Variants in GABRB1 observed in about 807,000 individuals in gnomAD.
GABRB1 encodes the protein gamma-aminobutyric acid type A receptor subunit beta1, also known as gamma-aminobutyric acid receptor subunit beta-1.
Under a neutral mutation model 51.6 loss-of-function variants are expected in GABRB1, and 17 were observed. The ratio of observed to expected loss-of-function variants is 0.33; its 90% CI spans 0.23 to 0.49. The LOEUF (loss-of-function observed/expected upper bound fraction) is 0.49, where lower values mean the gene tolerates loss of function less well. GABRB1 is among the 20% of genes least tolerant of loss of function. GABRB1 has a pLI of 0.99. For synonymous variants in GABRB1, 247 were observed against 218.9 expected (o/e 1.13, Z -1.14); for missense variants, 410 against 600.6 (o/e 0.68, Z 3.32).
intron 4 of GABRB1, among the ~76,000 whole-genome samples, chr4:47,293,865 T>C (rs553331702): frequency 1.3e-5 from 2 of 152,320 alleles, no homozygotes; most frequent in African/African-American, 4.8e-5. Context: ...GAGTGTAATA[T>C]TGAAAATTGT....
chr4:47,328,749 A>G (rs1307280935), intron 5 of GABRB1, among the ~76,000 whole-genome samples: 1 of 151,870 alleles, frequency 6.6e-6, no homozygotes, highest in East Asian at 1.9e-4. Flanking sequence ...GGGGAACATC[A>G]TACACTGGGG....
chr4:47,415,835 A>G (rs780271211), intron 8 of GABRB1, among the ~76,000 whole-genome samples: 14 of 152,204 alleles, frequency 9.2e-5, no homozygotes, highest in Admixed American at 4.6e-4. Context: ...ATACACCTCA[A>G]TGTCTGAGAA....
intron 4 of GABRB1, among the ~76,000 whole-genome samples, chr4:47,215,564 T>TA (rs576183902): frequency 3.0e-4 from 45 of 150,680 alleles, no homozygotes; most frequent in Non-Finnish European, 5.8e-4. Context: ...CCTCAGTCAG[T>TA]AAAAAAAAAT....
rs1718047612 is a variant in GABRB1, at chr4:47,163,446, C to T, written c.461+1977C>T. On this transcript the variant is annotated intron_variant, in intron 4 of 8. Transcript: ENST00000295454. Reference sequence around the variant, plus strand: ...GTGCCTATTATCTGCCACACACTCACTATTTTGGCCCTGAGAATAATATTC... The same window carrying T: ...GTGCCTATTATCTGCCACACACTCATTATTTTGGCCCTGAGAATAATATTC... Among the ~76,000 whole-genome samples the T allele has an allele frequency of 1.3e-5, 2 of 151,968 alleles. 1 individual carries two copies. The highest frequency in any genetic ancestry group is 4.1e-4 in the South Asian group (2 of 4,826).
intron 4 of GABRB1, among the ~76,000 whole-genome samples, chr4:47,300,933 A>G (rs183057184): frequency 6.6e-6 from 1 of 152,308 alleles, no homozygotes; most frequent in Admixed American, 6.5e-5. Flanking sequence ...CTGTCACCCA[A>G]AGAGTATGGA....
At chr4:47,013,115 T>C (rs1724627952) in intron 1 of GABRB1, among the ~76,000 whole-genome samples, 1 of 148,242 alleles carries the variant, frequency 6.7e-6, no homozygotes, top group Non-Finnish European at 1.5e-5. Flanking sequence ...TGTCACTTTG[T>C]GCATTAGACC....
At chr4:47,420,745 G>T (rs1024572166) in intron 8 of GABRB1, among the ~76,000 whole-genome samples, 1 of 152,130 alleles carries the variant, frequency 6.6e-6, no homozygotes, top group African/African-American at 2.4e-5. Flanking sequence ...TACCTTAGAT[G>T]CCCTGATATG....
chr4:46,998,637 G>A lies in GABRB1; in HGVS notation c.-20+4711G>A, dbSNP rs188360853. Among the ~76,000 whole-genome samples, 1,147 of 151,358 alleles carry A rather than the reference G, an allele frequency of 7.6e-3. 7 individuals are homozygous for A. Among genetic ancestry groups the A allele is most frequent in the Non-Finnish European group, 0.012 (834 of 67,898 alleles). On this transcript the variant is annotated intron_variant, in intron 1 of 3. Transcript: ENST00000513567. ...TAGTCCCAGCTACTCGGGAGGCTGA[G>A]GCAGGAGAATGGAGTGAACCCGGGA...
intron 4 of GABRB1, among the ~76,000 whole-genome samples, chr4:47,237,434 T>C (rs1009276145): frequency 2.6e-5 from 4 of 151,608 alleles, no homozygotes; most frequent in African/African-American, 9.7e-5. Context: ...CAATGAAAAA[T>C]GAAATAAATG....
chr4:47,344,635 T>A (rs188839436), intron 5 of GABRB1, among the ~76,000 whole-genome samples: 48 of 152,240 alleles, frequency 3.2e-4, no homozygotes, highest in East Asian at 7.7e-4. Flanking sequence ...TACATTTTTT[T>A]AAAAAAAATC....
intron 5 of GABRB1, among the ~76,000 whole-genome samples, chr4:47,350,111 A>G (rs1258170771): frequency 6.7e-6 from 1 of 150,104 alleles, no homozygotes; most frequent in Admixed American, 6.7e-5. Flanking sequence ...ATTTGAAAAA[A>G]TATATTGTAT....
Position 47,393,391 on chromosome 4 carries a change from G to A in GABRB1, c.545-9927G>A, listed in dbSNP as rs142859241. On this transcript the variant is annotated intron_variant, in intron 5 of 8. Transcript: ENST00000295454. ...CATGGTTCTGTGCTTTTTTCGAGGC[G>A]TGTGTATAGTGGAGTTTATAAAAGT... Among the ~76,000 whole-genome samples the A allele has an allele frequency of 1.2e-4, 18 of 152,270 alleles. No homozygotes were observed. The East Asian group carries it at 3.5e-3, about 29-fold the overall frequency.
At chr4:47,334,896 C>T (rs1273956429) in intron 5 of GABRB1, among the ~76,000 whole-genome samples, 1 of 152,184 alleles carries the variant, frequency 6.6e-6, no homozygotes, top group African/African-American at 2.4e-5. Flanking sequence ...GAATTAAAGG[C>T]AGATGTAAAG....
At chr4:47,337,239 T>TC (rs955461008) in intron 5 of GABRB1, among the ~76,000 whole-genome samples, 1 of 151,682 alleles carries the variant, frequency 6.6e-6, no homozygotes, top group Admixed American at 6.6e-5. Context: ...CAAGACTCCA[T>TC]CCCCCCATCC....
At chr4:47,300,687 A>T (rs1193443106) in intron 4 of GABRB1, among the ~76,000 whole-genome samples, 1 of 152,116 alleles carries the variant, frequency 6.6e-6, no homozygotes, top group Non-Finnish European at 1.5e-5. Context: ...GGTACATGAG[A>T]TATTTTGATA....
chr4:47,102,740 C>T (rs1714774364), intron 3 of GABRB1, among the ~76,000 whole-genome samples: 1 of 151,860 alleles, frequency 6.6e-6, no homozygotes, highest in Non-Finnish European at 1.5e-5. Flanking sequence ...GGTGCCAGCA[C>T]ATGGAAAACA....
rs1254878056 is a variant in GABRB1, at chr4:47,007,883, TATATATATATAA to T, written c.-20+13959_-20+13970del. The stretch of plus-strand genomic sequence containing the variant: ...TGGAACTGGTATATATATATATATA[TATATATATATAA>T]AATCAAGTTTGTATTTTTAAATAGT... On this transcript the variant is annotated intron_variant, in intron 1 of 3. Coordinates refer to the GABRB1 transcript ENST00000513567. Among the ~76,000 whole-genome samples the T allele has an allele frequency of 7.5e-3, 176 of 23,450 alleles. 9 individuals carry two copies. In the East Asian group the frequency reaches 0.13, roughly 17 times the overall value. 15.4% of individuals were successfully genotyped at this position (23,450 alleles called of 152,430 possible). A position where few individuals can be genotyped will look rare whatever the true frequency, so the allele number is the denominator to read the frequency against.
chr4:47,413,256 A>G (rs1200877897), intron 8 of GABRB1, among the ~76,000 whole-genome samples: 1 of 152,170 alleles, frequency 6.6e-6, no homozygotes, highest in African/African-American at 2.4e-5. Context: ...TATCTCCTGT[A>G]TCAATTTTAT....
At chr4:47,355,550 G>A (rs190958578) in intron 5 of GABRB1, among the ~76,000 whole-genome samples, 3 of 152,292 alleles carry the variant, frequency 2.0e-5, no homozygotes, top group Admixed American at 6.5e-5. Flanking sequence ...AAAAAACAGA[G>A]AAACACTGTG....
Sources: allele counts gnomAD v4.1 joint callset (sites outside exome capture counted in the v4.1 genomes callset), GRCh38; gene constraint gnomAD v4.1.1; transcripts MANE v1.5; gene names NCBI Gene and HGNC (gene_info 2026-07-23, HGNC 2026-07-21).